Variants in BICC1 observed in about 807,000 individuals in gnomAD.
BICC1 encodes BicC family RNA binding protein 1, also known as protein bicaudal C homolog 1.
BICC1 carries 43 observed loss-of-function variants against 111.0 expected under a neutral mutation model. That is an observed-to-expected ratio of 0.39 (90% CI 0.30 to 0.50). BICC1 has a LOEUF of 0.50. Among genes scored for constraint, BICC1 ranks in the 20% least tolerant of loss-of-function variants. BICC1 has a pLI of 0.88. For synonymous variants in BICC1, 467 were observed against 434.4 expected (o/e 1.07, Z -0.93); for missense variants, 1,091 against 1,203.2 (o/e 0.91, Z 1.38).
intron 1 of BICC1, among the ~76,000 whole-genome samples, chr10:58,518,297 G>GT (rs960036459): frequency 6.6e-6 from 1 of 152,016 alleles, no homozygotes; most frequent in African/African-American, 2.4e-5. Context: ...TAGAAAGAAG[G>GT]TTTTTTGAAG....
Position 58,789,363 on chromosome 10 carries a change from G to T in BICC1, c.702G>T (p.Thr234=). The T allele has an allele frequency of 6.2e-7, 1 of 1,613,902 alleles. No homozygotes were observed. The highest frequency in any genetic ancestry group is 1.1e-5 in the South Asian group (1 of 91,076). ...CCTCTATTCAGCATATATCACAAAC[G>T]TACAATATTTCAGTATCATTTAAAC... The part of the protein sequence containing the change: ...NSPSIQHISQ[T]YNISVSFKQR... Residue 234 remains threonine (T), a synonymous_variant, in exon 7 of 21, where the codon ACG becomes ACT. Transcript: ENST00000373886.
At chr10:58,777,093 C>A (rs1482187354) in intron 3 of BICC1, among the ~76,000 whole-genome samples, 3 of 151,356 alleles carry the variant, frequency 2.0e-5, no homozygotes, top group African/African-American at 7.3e-5. Context: ...TCCTTAAATA[C>A]ATCTGTTGTT....
chr10:58,516,970 A>T (rs1429299645), intron 1 of BICC1, among the ~76,000 whole-genome samples: 1 of 152,208 alleles, frequency 6.6e-6, no homozygotes, highest in African/African-American at 2.4e-5. Context: ...TACTGAGGCA[A>T]TCACAGGATT....
intron 8 of BICC1, among the ~76,000 whole-genome samples, chr10:58,790,546 G>A (rs1298475137): frequency 2.0e-5 from 3 of 151,922 alleles, no homozygotes; most frequent in East Asian, 1.9e-4. Flanking sequence ...AAAACCCCTC[G>A]GCCAGGTGCG....
intron 3 of BICC1, among the ~76,000 whole-genome samples, chr10:58,775,658 G>C (rs752380029): frequency 3.3e-5 from 5 of 152,140 alleles, no homozygotes; most frequent in Non-Finnish European, 5.9e-5. Context: ...TACACAGTTG[G>C]GGTGAGGAAT....
chr10:58,620,999 G>C, intron 2 of BICC1, 98 bp downstream of exon 2: 1 of 990,838 alleles, frequency 1.0e-6, no homozygotes, highest in African/African-American at 1.6e-5. Context: ...CCTTCATGTG[G>C]AGGAGAACAG....
chr10:58,783,291 G>A (rs1842928044), intron 3 of BICC1, among the ~76,000 whole-genome samples: 1 of 152,122 alleles, frequency 6.6e-6, no homozygotes, highest in African/African-American at 2.4e-5. Context: ...GAACTCTGAA[G>A]CTTGGTGCAC....
At chr10:58,547,387 A>C (rs1005494022) in intron 1 of BICC1, among the ~76,000 whole-genome samples, 3 of 152,002 alleles carry the variant, frequency 2.0e-5, no homozygotes, top group African/African-American at 7.2e-5. Flanking sequence ...ATGATTATGT[A>C]TTTTTGGGGA....
intron 1 of BICC1, among the ~76,000 whole-genome samples, chr10:58,600,642 T>G (rs766313049): frequency 6.6e-6 from 1 of 152,136 alleles, no homozygotes; most frequent in Non-Finnish European, 1.5e-5. Flanking sequence ...ATGGGTCCAC[T>G]TATGTGTGGA....
chr10:58,760,393 A>G (rs1842278913), intron 3 of BICC1, among the ~76,000 whole-genome samples: 1 of 152,192 alleles, frequency 6.6e-6, no homozygotes, highest in African/African-American at 2.4e-5. Flanking sequence ...AGAAGCTCAC[A>G]TGTACATTCC....
intron 20 of BICC1, among the ~76,000 whole-genome samples, chr10:58,822,612 C>A (rs181000244): frequency 6.6e-6 from 1 of 152,106 alleles, no homozygotes. Context: ...CTGCTCTGCA[C>A]AGCATAAAGG....
chr10:58,558,298 A>G (rs1843510312), intron 1 of BICC1, among the ~76,000 whole-genome samples: 1 of 152,086 alleles, frequency 6.6e-6, no homozygotes. Context: ...TTGTCCTTGC[A>G]GCTTTCACCT....
chr10:58,526,399 C>T (rs2577393), intron 1 of BICC1, among the ~76,000 whole-genome samples: 69,529 of 151,266 alleles, frequency 0.46, 16,997 homozygotes, highest in Admixed American at 0.62. Flanking sequence ...TTCTTTTTTT[C>T]TTAATTATAC....
chr10:58,798,297 T>C (rs1843422021), intron 10 of BICC1, 102 bp from the exon 11 acceptor site: 1 of 865,942 alleles, frequency 1.2e-6, no homozygotes, highest in South Asian at 2.6e-5. Context: ...TTAGAAAATA[T>C]CAGATTATAT....
At chr10:58,744,435 T>A (rs11006247) in intron 3 of BICC1, among the ~76,000 whole-genome samples, 96,236 of 151,342 alleles carry the variant, frequency 0.64, 33,256 homozygotes, top group East Asian at 0.89. Context: ...ATGATTTTTT[T>A]TAAAAAAATA....
chr10:58,587,070 C>T (rs1357065336), intron 1 of BICC1, among the ~76,000 whole-genome samples: 2 of 152,186 alleles, frequency 1.3e-5, no homozygotes, highest in Middle Eastern at 3.4e-3. Context: ...TTGAGTGCCA[C>T]GTATGTCTCA....
At chr10:58,516,989 A>G (rs1201354544) in intron 1 of BICC1, among the ~76,000 whole-genome samples, 1 of 152,186 alleles carries the variant, frequency 6.6e-6, no homozygotes. Flanking sequence ...TTCCTATATT[A>G]ATACTTTTCT....
chr10:58,555,729 A>T (rs1843432336), intron 1 of BICC1, among the ~76,000 whole-genome samples: 1 of 152,158 alleles, frequency 6.6e-6, no homozygotes, highest in South Asian at 2.1e-4. Context: ...CTTCAGTGAA[A>T]CAGGGTTTTA....
intron 1 of BICC1, among the ~76,000 whole-genome samples, chr10:58,544,199 C>T (rs1218941644): frequency 1.3e-5 from 2 of 152,114 alleles, no homozygotes; most frequent in African/African-American, 4.8e-5. Flanking sequence ...ATGCACCCAA[C>T]AGGAAAAAGG....
Sources: gnomAD v4.1 joint callset for allele counts (sites outside exome capture counted in the v4.1 genomes callset) on GRCh38, gnomAD v4.1.1 for gene constraint, MANE v1.5 for transcripts, NCBI Gene and HGNC (gene_info 2026-07-23, HGNC 2026-07-21) for gene names.